Variants in PLS1 observed in about 807,000 individuals in gnomAD.
PLS1 encodes the protein plastin 1.
PLS1 carries 32 observed loss-of-function variants against 73.7 expected under a neutral mutation model. The observed-to-expected ratio is 0.43, with a 90% CI of 0.33 to 0.58. PLS1 has a LOEUF of 0.58. Ranked by LOEUF, PLS1 falls within the 20% of genes least tolerant of loss-of-function variation. The pLI is 0.04. For missense variants in PLS1, 633 were observed against 740.5 expected (o/e 0.85, Z 1.68); for synonymous variants, 217 against 261.3 (o/e 0.83, Z 1.63).
rs752651128 is a variant in PLS1, at chr3:142,686,330, G to A, written c.935G>A (p.Gly312Asp). The change falls in exon 9 of 16, where the codon GGT (glycine) becomes GAT (aspartate). Residue 312 changes from glycine (G) to aspartate (D), a missense_variant. Gly to Asp is a moderately conservative substitution (Grantham distance 94, BLOSUM62 -1). Transcript: ENST00000457734. Reference sequence around the variant, plus strand: ...CTGCTTAATCAGATTGCCCCTAAAGGTGGGGAAGATGGACCTGCCATTGCC... The same window carrying A: ...CTGCTTAATCAGATTGCCCCTAAAGATGGGGAAGATGGACCTGCCATTGCC... ...FHLLNQIAPKGGEDGPAIAID... is the reference protein window; with the variant it reads ...FHLLNQIAPKDGEDGPAIAID... 2.5e-6 allele frequency: 4 copies of A among 1,611,924 alleles called. No individual in the cohort carries two copies. Among genetic ancestry groups the A allele is most frequent in the Non-Finnish European group, 3.4e-6 (4 of 1,178,080 alleles).
chr3:142,598,982 C>T (rs1054947943), intron 1 of PLS1, among the ~76,000 whole-genome samples: 1 of 150,396 alleles, frequency 6.6e-6, no homozygotes, highest in African/African-American at 2.5e-5. Context: ...GCATGGGCGA[C>T]AGTGCAAGAC....
At chr3:142,697,804 G>A in intron 11 of PLS1, 149 bp from the exon 12 acceptor site, 1 of 542,920 alleles carries the variant, frequency 1.8e-6, no homozygotes, top group Non-Finnish European at 3.3e-6. Context: ...TAGACTGGAA[G>A]TTCTGGGTCA....
chr3:142,597,366 C>T lies in PLS1; in HGVS notation c.-37+857C>T, dbSNP rs187899256. 3 of 152,216 alleles carry T rather than the reference C, an allele frequency of 2.0e-5. No homozygotes were observed. In the East Asian group the frequency reaches 5.8e-4, roughly 29 times the overall value. 9.4% of individuals were successfully genotyped at this position (152,216 alleles called of 1,614,324 possible). A position where few individuals can be genotyped will look rare whatever the true frequency, so the allele number is the denominator to read the frequency against. ...AACTTGAAGCAAGTACTTTTACACC[C>T]CCCACCACCTTTGTAATCAGCTTTC... On this transcript the variant is annotated intron_variant, in intron 1 of 15. Coordinates refer to ENST00000457734, the MANE Select transcript of PLS1 (RefSeq NM_001145319.2).
chr3:142,642,675 G>T (rs1488484988), intron 1 of PLS1, among the ~76,000 whole-genome samples: 1 of 152,066 alleles, frequency 6.6e-6, no homozygotes, highest in Admixed American at 6.6e-5. Flanking sequence ...CAAAACAATG[G>T]TATTAATATT....
intron 1 of PLS1, among the ~76,000 whole-genome samples, chr3:142,615,780 A>G (rs1371245507): frequency 7.2e-5 from 11 of 152,134 alleles, no homozygotes; most frequent in Admixed American, 6.6e-4. Context: ...AAGGACAGTG[A>G]TGTTTAACAC....
intron 1 of PLS1, chr3:142,627,769 C>T (rs2036460962): frequency 6.6e-6 from 1 of 150,526 alleles, no homozygotes; most frequent in Admixed American, 6.7e-5. Flanking sequence ...AGGCATGTAC[C>T]ACCATGTCCA....
intron 4 of PLS1, among the ~76,000 whole-genome samples, chr3:142,673,269 A>G (rs2037646164): frequency 6.6e-6 from 1 of 150,756 alleles, no homozygotes; most frequent in Non-Finnish European, 1.5e-5. Flanking sequence ...TTGATCTTGA[A>G]CTCCTGGGTT....
At chr3:142,631,688 A>G (rs1034598314) in intron 1 of PLS1, among the ~76,000 whole-genome samples, 34 of 151,096 alleles carry the variant, frequency 2.3e-4, no homozygotes, top group Non-Finnish European at 3.8e-4. Context: ...AAAAAAAAAA[A>G]AAGAAGTTGA....
chr3:142,698,164 T>A, intron 12 of PLS1, 97 bp downstream of exon 12: 2 of 711,288 alleles, frequency 2.8e-6, no homozygotes, highest in Non-Finnish European at 2.4e-6. Flanking sequence ...GTCCCCACAA[T>A]TCTGATTCAG....
intron 11 of PLS1, 53 bp downstream of exon 11, chr3:142,694,600 T>C: frequency 9.2e-7 from 1 of 1,086,348 alleles, no homozygotes; most frequent in Non-Finnish European, 1.4e-6. Context: ...CTTTTCAAGT[T>C]TCAAACTGTA....
intron 12 of PLS1, among the ~76,000 whole-genome samples, chr3:142,700,076 A>G (rs2038295177): frequency 6.6e-6 from 1 of 152,232 alleles, no homozygotes. Flanking sequence ...AAATAAATAC[A>G]TATGTCACAA....
At chr3:142,707,115 C>T (rs1320775442) in intron 14 of PLS1, among the ~76,000 whole-genome samples, 2 of 152,098 alleles carry the variant, frequency 1.3e-5, no homozygotes, top group East Asian at 3.9e-4. Flanking sequence ...GCAGAAACAT[C>T]GCGAAAGTGC....
At chr3:142,662,014 T>A (rs1409794464) in intron 1 of PLS1, among the ~76,000 whole-genome samples, 1 of 152,148 alleles carries the variant, frequency 6.6e-6, no homozygotes, top group Non-Finnish European at 1.5e-5. Context: ...GGCAATTCCT[T>A]AAGGATCTAG....
Position 142,676,331 on chromosome 3 carries a change from T to G in PLS1, c.497+42T>G, listed in dbSNP as rs374263178. The stretch of plus-strand genomic sequence containing the variant: ...GTTAAGGAAGCTGCGTTCTTGCTGA[T>G]TACATTGATGAGCATTCCATGAAAA... On this transcript the variant is annotated intron_variant, in intron 5 of 15. Coordinates refer to ENST00000457734, the MANE Select transcript of PLS1 (RefSeq NM_001145319.2). The G allele has an allele frequency of 2.3e-5, 37 of 1,590,930 alleles. No individual in the cohort carries two copies. The African/African-American group carries it at 4.2e-4, about 18-fold the overall frequency.
chr3:142,685,921 A>C (rs1055680844), intron 8 of PLS1, among the ~76,000 whole-genome samples: 1 of 152,200 alleles, frequency 6.6e-6, no homozygotes, highest in African/African-American at 2.4e-5. Flanking sequence ...GCTGTGCACT[A>C]CAGAAGAGGG....
chr3:142,652,154 G>A (rs930298804), intron 1 of PLS1, among the ~76,000 whole-genome samples: 13 of 152,134 alleles, frequency 8.5e-5, no homozygotes, highest in Non-Finnish European at 1.0e-4. Context: ...GGGGCCGTGG[G>A]GCATCATTGT....
rs569022487 is a variant in PLS1 at position 142,666,388 on chromosome 3, C to G, written c.70+2081C>G. Among the ~76,000 whole-genome samples, 4 of 152,310 alleles carry G rather than the reference C, an allele frequency of 2.6e-5. No homozygotes were observed. The East Asian group carries it at 7.7e-4, about 29-fold the overall frequency. On this transcript the variant is annotated intron_variant, in intron 2 of 15. Coordinates refer to ENST00000457734, the MANE Select transcript of PLS1 (RefSeq NM_001145319.2). ...TAGGTACCTCACATAAGTGGAATCACATAATATTTGTCTTCTTGTGACTGG... is the reference window on the plus strand; with the variant it reads ...TAGGTACCTCACATAAGTGGAATCAGATAATATTTGTCTTCTTGTGACTGG...
intron 1 of PLS1, among the ~76,000 whole-genome samples, chr3:142,657,443 C>T (rs2037264556): frequency 6.6e-6 from 1 of 152,206 alleles, no homozygotes; most frequent in South Asian, 2.1e-4. Flanking sequence ...TCTGTGCTGC[C>T]AGAGTCCCTC....
intron 1 of PLS1, among the ~76,000 whole-genome samples, chr3:142,638,566 A>G (rs1349016920): frequency 6.6e-6 from 1 of 152,092 alleles, no homozygotes; most frequent in Admixed American, 6.6e-5. Context: ...TTCTAGCCAT[A>G]CCATCTGTTT....
Sources: allele counts gnomAD v4.1 joint callset (sites outside exome capture counted in the v4.1 genomes callset), GRCh38; gene constraint gnomAD v4.1.1; transcripts MANE v1.5; gene names NCBI Gene and HGNC (gene_info 2026-07-23, HGNC 2026-07-21).